The following CREM variants were observed in gnomAD, a reference collection of about 807,000 sequenced individuals.
CREM encodes cAMP-responsive element modulator.
Under a neutral mutation model 37.3 loss-of-function variants are expected in CREM, and 13 were observed. The observed-to-expected ratio is 0.35, with a 90% confidence interval of 0.23 to 0.55. The LOEUF is 0.55. CREM is among the 20% of genes least tolerant of loss of function. The pLI is 0.88. For synonymous variants in CREM, 124 were observed against 120.2 expected (o/e 1.03, Z -0.21); for missense variants, 296 against 362.3 (o/e 0.82, Z 1.49).
chr10:35,201,831 A>T (rs2095394660), intron 6 of CREM, among the ~76,000 whole-genome samples: 1 of 152,170 alleles, frequency 6.6e-6, no homozygotes, highest in South Asian at 2.1e-4. Context: ...TCCATGTCTT[A>T]GAGGTAAAGG....
intron 6 of CREM, among the ~76,000 whole-genome samples, chr10:35,189,427 A>G (rs2094808803): frequency 6.6e-6 from 1 of 152,192 alleles, no homozygotes; most frequent in East Asian, 1.9e-4. Context: ...ATTGAATTCT[A>G]TTCCTCTTGG....
At chr10:35,145,160 CAAA>C (rs34802396) in intron 2 of CREM, among the ~76,000 whole-genome samples, 5 of 67,844 alleles carry the variant, frequency 7.4e-5, no homozygotes, top group Admixed American at 1.7e-4. Context: ...GACACTGTCT[CAAA>C]AAAAAAAAAA....
intron 6 of CREM, chr10:35,195,320 C>A: frequency 2.2e-6 from 3 of 1,340,124 alleles, no homozygotes; most frequent in South Asian, 2.5e-5. Flanking sequence ...CTCTCCTAGT[C>A]ACTTAGGTGT....
In CREM at chr10:35,211,611, A is replaced by G. The variant is rs754232941; in HGVS notation, c.*213A>G. The G allele has an allele frequency of 5.6e-6, 9 of 1,598,782 alleles. No individual in the cohort carries two copies. The highest frequency in any genetic ancestry group is 7.7e-6 in the Non-Finnish European group (9 of 1,172,722). On this transcript the variant is annotated 3_prime_UTR_variant, in exon 8 of 8. Transcript: ENST00000685392. The stretch of plus-strand genomic sequence containing the variant: ...TTACTTTGATCTGTTTGTCAATAGC[A>G]TGCAAAAAATGCTTTGTTTGCCCTT...
chr10:35,209,303 T>G lies in CREM; in HGVS notation c.756-1951T>G, dbSNP rs1406498447. ...TGCCAATCCAGCAACAGTTTTTATT[T>G]CTTTCCAGCCTTGTCAGAGTTTCTT... On this transcript the variant is annotated intron_variant, in intron 7 of 7. Transcript: ENST00000685392. The G allele has an allele frequency of 6.1e-6, 6 of 985,334 alleles. No individual in the cohort carries two copies. In the Middle Eastern group the frequency reaches 1.5e-3, roughly 254 times the overall value. The allele number at this position is 985,334 out of a possible 1,614,324, so 61.0% of individuals were successfully genotyped here.
At chr10:35,176,145 G>A (rs1032507052) in intron 3 of CREM, 73 of 1,234,490 alleles carry the variant, frequency 5.9e-5, no homozygotes, top group Middle Eastern at 2.8e-4. Flanking sequence ...TTCTCCTTGC[G>A]TAAGGTGCTC....
chr10:35,182,416 T>TAA (rs912521444), intron 5 of CREM, among the ~76,000 whole-genome samples: 2 of 151,638 alleles, frequency 1.3e-5, no homozygotes, highest in African/African-American at 4.8e-5. Context: ...CCTTTTATTA[T>TAA]AAAAAAAAAT....
At chr10:35,141,075 C>A (rs1358348688) in intron 2 of CREM, among the ~76,000 whole-genome samples, 1 of 152,134 alleles carries the variant, frequency 6.6e-6, no homozygotes, top group Non-Finnish European at 1.5e-5. Context: ...AAATTCTTAA[C>A]CTCCCTGAGT....
intron 1 of CREM, among the ~76,000 whole-genome samples, chr10:35,133,340 C>T (rs994374217): frequency 1.3e-4 from 20 of 149,328 alleles, no homozygotes; most frequent in Middle Eastern, 3.5e-3. Context: ...CAGAGTCTCA[C>T]TGTGTCACCC....
At chr10:35,138,482 A>G (rs1236709473) in intron 2 of CREM, among the ~76,000 whole-genome samples, 1 of 151,950 alleles carries the variant, frequency 6.6e-6, no homozygotes, top group Non-Finnish European at 1.5e-5. Flanking sequence ...CTTCCTCTGC[A>G]ATGTAATTTG....
chr10:35,177,972 C>T (rs1266482688), intron 3 of CREM, among the ~76,000 whole-genome samples: 7 of 152,058 alleles, frequency 4.6e-5, no homozygotes, highest in Admixed American at 2.6e-4. Context: ...AAACACGAGT[C>T]ATATGTGGAG....
rs1243310809 is a variant in CREM at position 35,193,799 on chromosome 10, A to G, written c.598+5411A>G. Among the ~76,000 whole-genome samples, 4 of 152,044 alleles carry G rather than the reference A, an allele frequency of 2.6e-5. No homozygotes were observed. In the East Asian group the frequency reaches 7.7e-4, roughly 29 times the overall value. On this transcript the variant is annotated intron_variant, in intron 6 of 7. Coordinates refer to ENST00000685392, the MANE Select transcript of CREM (RefSeq NM_183011.2). Reference sequence around the variant, plus strand: ...TTGACATAAGGTTGGGTTGAATTCTAATCATACAAGGGAAAGGGCTTTGGG... The same window carrying G: ...TTGACATAAGGTTGGGTTGAATTCTGATCATACAAGGGAAAGGGCTTTGGG...
intron 2 of CREM, among the ~76,000 whole-genome samples, chr10:35,142,565 A>G (rs2091572199): frequency 6.6e-6 from 1 of 152,188 alleles, no homozygotes; most frequent in Admixed American, 6.5e-5. Flanking sequence ...AAACTCCATC[A>G]GTTTGCCGCC....
intron 1 of CREM, among the ~76,000 whole-genome samples, chr10:35,131,179 A>C (rs2089307169): frequency 6.6e-6 from 1 of 152,356 alleles, no homozygotes; most frequent in Middle Eastern, 3.4e-3. Flanking sequence ...ATCTTTGTGC[A>C]TGTTTTCTAA....
At chr10:35,193,600 A>C (rs1029756516) in intron 6 of CREM, among the ~76,000 whole-genome samples, 1 of 152,156 alleles carries the variant, frequency 6.6e-6, no homozygotes, top group Non-Finnish European at 1.5e-5. Flanking sequence ...CTCAGCCAAG[A>C]TATCTTCAGC....
intron 5 of CREM, among the ~76,000 whole-genome samples, chr10:35,186,814 C>T (rs2094576615): frequency 8.8e-6 from 1 of 114,236 alleles, no homozygotes; most frequent in African/African-American, 3.4e-5. Context: ...TATAATTGTA[C>T]ATAACATATA....
chr10:35,147,082 GCT>G (rs1564813567), intron 2 of CREM, among the ~76,000 whole-genome samples: 2 of 126,950 alleles, frequency 1.6e-5, no homozygotes, highest in African/African-American at 6.1e-5. Flanking sequence ...ACGGAGTCTC[GCT>G]CTGTCGCCCA....
intron 2 of CREM, among the ~76,000 whole-genome samples, chr10:35,143,668 CT>C (rs1203087812): frequency 6.6e-6 from 1 of 152,094 alleles, no homozygotes; most frequent in Admixed American, 6.6e-5. Context: ...AGTTTACATC[CT>C]GGAGGTGAGT....
At chr10:35,173,375 A>C (rs1297682018) in intron 3 of CREM, among the ~76,000 whole-genome samples, 29 of 152,224 alleles carry the variant, frequency 1.9e-4, no homozygotes, top group Non-Finnish European at 2.9e-5. Context: ...TACCAACTAA[A>C]GCAACATACT....
Sources: allele counts gnomAD v4.1 joint callset (sites outside exome capture counted in the v4.1 genomes callset), GRCh38; gene constraint gnomAD v4.1.1; transcripts MANE v1.5; gene names NCBI Gene and HGNC (gene_info 2026-07-23, HGNC 2026-07-21).